Variants in NRTN observed in about 807,000 individuals in gnomAD.
NRTN encodes the protein prepro-neurturin.
Under a neutral mutation model 7.5 loss-of-function variants are expected in NRTN, and 3 were observed. The observed-to-expected ratio is 0.40, with a 90% confidence interval of 0.18 to 1.03. The LOEUF is 1.03. NRTN is among the 50% of genes least tolerant of loss of function. The probability of loss-of-function intolerance (pLI) is 0.34; values close to 1 mark genes in which losing one functional copy is unlikely to be tolerated. For missense variants in NRTN, 310 were observed against 307.0 expected, an observed-to-expected ratio of 1.01 and a Z score of -0.07; for synonymous variants, 157 against 146.6, an observed-to-expected ratio of 1.07 and a Z score of -0.51.
At chr19:5,815,781 A>G (rs1208005393) in intron 1 of NRTN, among the ~76,000 whole-genome samples, 7 of 115,680 alleles carry the variant, frequency 6.1e-5, no homozygotes, top group African/African-American at 2.1e-4. Context: ...GACTCACTCT[A>G]TTGCCCAGGC....
At chr19:5,809,880 C>T (rs1275404538) in intron 1 of NRTN, among the ~76,000 whole-genome samples, 1 of 152,162 alleles carries the variant, frequency 6.6e-6, no homozygotes, top group Non-Finnish European at 1.5e-5. Context: ...AGCGGGTTCC[C>T]AGGCAGTAGT....
intron 1 of NRTN, among the ~76,000 whole-genome samples, chr19:5,820,062 C>G (rs990847879): frequency 4.5e-4 from 68 of 150,508 alleles, no homozygotes; most frequent in Non-Finnish European, 7.8e-4. Context: ...GTCAGGAGAT[C>G]GAGACCATCC....
At chr19:5,819,873 G>GTATT (rs934574802) in intron 1 of NRTN, among the ~76,000 whole-genome samples, 3 of 151,676 alleles carry the variant, frequency 2.0e-5, no homozygotes, top group Non-Finnish European at 4.4e-5. Context: ...AAAAGTGGGG[G>GTATT]TATTACCTGC....
In NRTN at chr19:5,805,415, C is replaced by A. The variant is rs1182551243; in HGVS notation, c.-435C>A. Among the ~76,000 whole-genome samples the A allele has an allele frequency of 6.7e-6, 1 of 150,326 alleles. No homozygotes were observed. Among genetic ancestry groups the A allele is most frequent in the Non-Finnish European group, 1.5e-5 (1 of 67,334 alleles). On this transcript the variant is annotated 5_prime_UTR_variant, in exon 1 of 3. Coordinates refer to ENST00000303212, the MANE Select transcript of NRTN (RefSeq NM_004558.5). ...GGCTGGGGCAGGGGCTGGGGCCGCGCGGCCGCCACTGACGGGTAGTCCGGC... is the reference window on the plus strand; with the variant it reads ...GGCTGGGGCAGGGGCTGGGGCCGCGAGGCCGCCACTGACGGGTAGTCCGGC...
chr19:5,825,182 A>C (rs1305310459), intron 2 of NRTN, among the ~76,000 whole-genome samples: 1 of 152,012 alleles, frequency 6.6e-6, no homozygotes, highest in African/African-American at 2.4e-5. Flanking sequence ...ACACGGGCAA[A>C]AGTGCTGCTA....
Position 5,824,078 on chromosome 19 carries a change from T to C in NRTN, c.-88T>C, listed in dbSNP as rs185989406. ...GCGTTCAAAGTCAAAGGCCCCACAC[T>C]GAGTCCTGGCCCAGCGCCCTGTGCC... On this transcript the variant is annotated 5_prime_UTR_variant, in exon 2 of 3. Transcript: ENST00000303212. 1.4e-5 allele frequency: 22 copies of C among 1,548,150 alleles called. No individual in the cohort carries two copies. The highest frequency in any genetic ancestry group is 2.3e-4 in the Middle Eastern group (1 of 4,344).
chr19:5,818,917 T>C (rs1205461665), intron 1 of NRTN, among the ~76,000 whole-genome samples: 2 of 152,024 alleles, frequency 1.3e-5, no homozygotes, highest in Non-Finnish European at 2.9e-5. Flanking sequence ...ACCAGAGCTC[T>C]AGGTGGGGAG....
chr19:5,827,485 A>G (rs972121506), intron 2 of NRTN, among the ~76,000 whole-genome samples: 2 of 151,974 alleles, frequency 1.3e-5, no homozygotes, highest in Admixed American at 1.3e-4. Flanking sequence ...TGGGCAGCCA[A>G]TATAGGCTCA....
At position 5,824,072 on chromosome 19, in the gene NRTN, C is replaced by T. The variant is rs1202895317; in HGVS notation, c.-94C>T. The T allele has an allele frequency of 6.6e-7, 1 of 1,516,186 alleles. No individual in the cohort carries two copies. The highest frequency in any genetic ancestry group is 9.0e-7 in the Non-Finnish European group (1 of 1,107,332). 93.9% of individuals were successfully genotyped at this position (1,516,186 alleles called of 1,614,324 possible). On this transcript the variant is annotated 5_prime_UTR_variant, in exon 2 of 3. Coordinates refer to ENST00000303212, the MANE Select transcript of NRTN (RefSeq NM_004558.5). Reference sequence around the variant, plus strand: ...CGGCAGGCGTTCAAAGTCAAAGGCCCCACACTGAGTCCTGGCCCAGCGCCC... The same window carrying T: ...CGGCAGGCGTTCAAAGTCAAAGGCCTCACACTGAGTCCTGGCCCAGCGCCC...
At chr19:5,813,312 A>G (rs891171321) in intron 1 of NRTN, among the ~76,000 whole-genome samples, 96 of 151,576 alleles carry the variant, frequency 6.3e-4, no homozygotes, top group South Asian at 3.5e-3. Flanking sequence ...AGGCGGGCGG[A>G]TCACCTGAAG....
intron 1 of NRTN, among the ~76,000 whole-genome samples, chr19:5,815,065 C>A (rs2057000757): frequency 6.6e-6 from 1 of 152,210 alleles, no homozygotes; most frequent in Admixed American, 6.5e-5. Context: ...CATCTGCTTC[C>A]CCTCCTCTCA....
chr19:5,812,248 T>C (rs1156769309), intron 1 of NRTN, among the ~76,000 whole-genome samples: 1 of 152,020 alleles, frequency 6.6e-6, no homozygotes, highest in Non-Finnish European at 1.5e-5. Flanking sequence ...CAGAAACCAC[T>C]ATCCCTGACC....
At chr19:5,822,503 C>A (rs185514179) in intron 1 of NRTN, among the ~76,000 whole-genome samples, 2 of 152,208 alleles carry the variant, frequency 1.3e-5, no homozygotes, top group Non-Finnish European at 2.9e-5. Flanking sequence ...GGCGTGTACA[C>A]GTGAGTTATT....
At position 5,827,366 on chromosome 19, in the gene NRTN, C is replaced by T. The variant is rs1002300204; in HGVS notation, c.170-383C>T. 8.6e-5 allele frequency among the ~76,000 whole-genome samples: 13 copies of T among 151,960 alleles called. 1 individual carries two copies. In the South Asian group the frequency reaches 2.1e-3, roughly 24 times the overall value. ...GCGATGGAGGACGAGGAGAATGGAG[C>T]AGCAATGGGGTGAGAGAGGGGCCCA... On this transcript the variant is annotated intron_variant, in intron 2 of 2. Transcript: ENST00000303212.
chr19:5,827,931 G>T lies in NRTN; in HGVS notation c.352G>T (p.Gly118Cys). The T allele has an allele frequency of 6.7e-7, 1 of 1,483,642 alleles. No individual in the cohort carries two copies. Among genetic ancestry groups the T allele is most frequent in the Non-Finnish European group, 8.9e-7 (1 of 1,121,604 alleles). The allele number at this position is 1,483,642 out of a possible 1,614,324, so 91.9% of individuals were successfully genotyped here. A position where few individuals can be genotyped will look rare whatever the true frequency, so the allele number is the denominator to read the frequency against. Reference sequence around the variant, plus strand: ...GGTGCGCGTGAGCGAGCTGGGCCTGGGCTACGCGTCCGACGAGACGGTGCT... The same window carrying T: ...GGTGCGCGTGAGCGAGCTGGGCCTGTGCTACGCGTCCGACGAGACGGTGCT... ...LEVRVSELGLGYASDETVLFR... is the reference protein window; with the variant it reads ...LEVRVSELGLCYASDETVLFR... Residue 118 changes from glycine to cysteine, a missense_variant, in exon 3 of 3, where the codon GGC becomes TGC. Physicochemically the swap from Gly to Cys is radical, Grantham distance 159 (BLOSUM62 -3). Coordinates refer to ENST00000303212, the MANE Select transcript of NRTN (RefSeq NM_004558.5).
At position 5,827,741 on chromosome 19, in the gene NRTN, C is replaced by T. The variant is rs1176448349; in HGVS notation, c.170-8C>T. The T allele has an allele frequency of 2.5e-6, 3 of 1,219,764 alleles. No individual in the cohort carries two copies. Among genetic ancestry groups the T allele is most frequent in the Non-Finnish European group, 2.0e-6 (2 of 976,518 alleles). The allele number at this position is 1,219,764 out of a possible 1,614,324, so 75.6% of individuals were successfully genotyped here. A position where few individuals can be genotyped will look rare whatever the true frequency, so the allele number is the denominator to read the frequency against. On this transcript the variant is annotated splice_region_variant and splice_polypyrimidine_tract_variant and intron_variant, in intron 2 of 2. Transcript: ENST00000303212. The stretch of plus-strand genomic sequence containing the variant: ...GACCCCCCCTCCTTTCTCTTCCTCC[C>T]CTCGCAGACCGTGCACTCCTGCAGG...
chr19:5,820,576 A>AG (rs1033251583), intron 1 of NRTN, among the ~76,000 whole-genome samples: 13 of 150,016 alleles, frequency 8.7e-5, no homozygotes, highest in African/African-American at 2.9e-4. Context: ...AAAAAAAAAA[A>AG]AAATTACTTA....
chr19:5,820,564 CA>C lies in NRTN; in HGVS notation c.-398-3189del, dbSNP rs72127155. 6.2e-3 allele frequency among the ~76,000 whole-genome samples: 672 copies of C among 108,968 alleles called. 10 individuals are homozygous for C. Among genetic ancestry groups the C allele is most frequent in the Non-Finnish European group, 9.2e-3 (507 of 55,382 alleles). The allele number at this position is 108,968 out of a possible 152,430, so 71.5% of individuals were successfully genotyped here. On this transcript the variant is annotated intron_variant, in intron 1 of 2. Coordinates refer to ENST00000303212, the MANE Select transcript of NRTN (RefSeq NM_004558.5). ...TGGGCGACAGAGTGAGACTCCGTCTCAAAAAAAAAAAAAAATTACTTAGACA... is the reference window on the plus strand; with the variant it reads ...TGGGCGACAGAGTGAGACTCCGTCTCAAAAAAAAAAAAAATTACTTAGACA...
Position 5,828,022 on chromosome 19 carries a change from TGCGCCAGCGGCG to T in NRTN, c.449_460del (p.Gln150_Arg153del). ...GTCTACGACCTCGGGCTGCGACGACTGCGCCAGCGGCGGCGCCTGCGGCGGGAGCGGGTGCGC... is the reference window on the plus strand; with the variant it reads ...GTCTACGACCTCGGGCTGCGACGACTGCGCCTGCGGCGGGAGCGGGTGCGC... On this transcript the variant is annotated inframe_deletion, in exon 3 of 3. Transcript: ENST00000303212. 3 of 1,427,084 alleles carry T rather than the reference TGCGCCAGCGGCG, an allele frequency of 2.1e-6. No homozygotes were observed. The highest frequency in any genetic ancestry group is 2.3e-4 in the Middle Eastern group (1 of 4,330). 88.4% of individuals were successfully genotyped at this position (1,427,084 alleles called of 1,614,324 possible). A position where few individuals can be genotyped will look rare whatever the true frequency, so the allele number is the denominator to read the frequency against.
Sources: allele counts gnomAD v4.1 joint callset (sites outside exome capture counted in the v4.1 genomes callset), GRCh38; gene constraint gnomAD v4.1.1; transcripts MANE v1.5; gene names NCBI Gene and HGNC (gene_info 2026-07-23, HGNC 2026-07-21).